WDR35: variants seen among roughly 807,000 people sequenced by gnomAD.
WDR35 encodes WD repeat-containing protein 35.
A neutral mutation model predicts 158.3 loss-of-function variants in WDR35; 118 were observed. The ratio of observed to expected loss-of-function variants is 0.75; its 90% CI spans 0.64 to 0.87. The LOEUF (loss-of-function observed/expected upper bound fraction) is 0.87. Ranked by LOEUF, WDR35 falls within the 40% of genes least tolerant of loss-of-function variation. WDR35 has a pLI of 0.00. For synonymous variants in WDR35, 448 were observed against 476.1 expected (o/e 0.94, Z 0.77); for missense variants, 1,263 against 1,405.8 (o/e 0.90, Z 1.62).
intron 14 of WDR35, 33 bp from the exon 15 acceptor site, chr2:19,946,603 C>G (rs373638512): frequency 6.4e-7 from 1 of 1,561,796 alleles, no homozygotes; most frequent in Non-Finnish European, 8.8e-7. Flanking sequence ...CTTAAGCATA[C>G]GTGTATCATA....
At chr2:19,982,368 A>C (rs1052057918) in intron 3 of WDR35, 95 bp downstream of exon 3, 1 of 1,156,442 alleles carries the variant, frequency 8.6e-7, no homozygotes, top group Non-Finnish European at 1.3e-6. Flanking sequence ...AAATATTACC[A>C]TTATTTAAAA....
intron 25 of WDR35, 83 bp from the exon 26 acceptor site, chr2:19,914,360 T>A: frequency 1.9e-6 from 3 of 1,572,994 alleles, no homozygotes; most frequent in Non-Finnish European, 2.6e-6. Flanking sequence ...TAAGTTAAGG[T>A]GATTTCATTG....
At chr2:19,932,542 C>G in intron 22 of WDR35, 95 bp from the exon 23 acceptor site, 1 of 1,488,976 alleles carries the variant, frequency 6.7e-7, no homozygotes, top group South Asian at 1.2e-5. Flanking sequence ...ATAGTAAAAA[C>G]ACTATTTCAA....
At chr2:19,962,693 T>C (rs915012976) in intron 10 of WDR35, among the ~76,000 whole-genome samples, 7 of 151,980 alleles carry the variant, frequency 4.6e-5, no homozygotes, top group Non-Finnish European at 5.9e-5. Flanking sequence ...AGGTACCCCA[T>C]AGATAACATA....
chr2:19,979,770 C>G (rs959819936), intron 4 of WDR35, among the ~76,000 whole-genome samples: 2 of 103,834 alleles, frequency 1.9e-5, no homozygotes, highest in African/African-American at 7.3e-5. Flanking sequence ...CATTCTATCC[C>G]CTACACACAC....
chr2:19,913,318 A>C lies in WDR35; in HGVS notation c.*240T>G. ...CAAAAACAAGATAAACAAAAGAGAG[A>C]GGGTGAGAGAAAACATGGTTGATTT... On this transcript the variant is annotated 3_prime_UTR_variant, in exon 27 of 27. Transcript: ENST00000281405. 1 of 428,516 alleles carries C rather than the reference A, an allele frequency of 2.3e-6. No homozygotes were observed. The highest frequency in any genetic ancestry group is 4.2e-6 in the Non-Finnish European group (1 of 240,090). The allele number at this position is 428,516 out of a possible 1,614,324, so 26.5% of individuals were successfully genotyped here. A position where few individuals can be genotyped will look rare whatever the true frequency, so the allele number is the denominator to read the frequency against.
chr2:19,959,372 A>G (rs1477128161), intron 11 of WDR35, among the ~76,000 whole-genome samples: 1 of 152,088 alleles, frequency 6.6e-6, no homozygotes, highest in Non-Finnish European at 1.5e-5. Context: ...TTTACCTCTT[A>G]AAGACTGTTA....
At chr2:19,926,903 ACC>A (rs58699441) in intron 25 of WDR35, among the ~76,000 whole-genome samples, 104,145 of 151,538 alleles carry the variant, frequency 0.69, 36,717 homozygotes, top group East Asian at 0.9. Flanking sequence ...GATCTCGAGG[ACC>A]CCCCCCACCC....
intron 11 of WDR35, among the ~76,000 whole-genome samples, 189 bp from the exon 12 acceptor site, chr2:19,954,167 C>T (rs1308977405): frequency 1.3e-5 from 2 of 152,156 alleles, no homozygotes; most frequent in African/African-American, 4.8e-5. Flanking sequence ...CATCATACAA[C>T]GATACTAACT....
intron 25 of WDR35, among the ~76,000 whole-genome samples, chr2:19,916,107 G>A (rs1046688597): frequency 2.0e-5 from 3 of 152,132 alleles, no homozygotes; most frequent in Admixed American, 2.0e-4. Context: ...ATGAGCCAAA[G>A]CAGGGTGGGG....
intron 2 of WDR35, among the ~76,000 whole-genome samples, chr2:19,986,486 T>C (rs186362945): frequency 6.6e-6 from 1 of 152,200 alleles, no homozygotes; most frequent in Admixed American, 6.5e-5. Context: ...GAGAGAAAAG[T>C]AGTACGTCTA....
chr2:19,956,676 A>C (rs576011262), intron 11 of WDR35, among the ~76,000 whole-genome samples: 132 of 140,990 alleles, frequency 9.4e-4, no homozygotes, highest in African/African-American at 3.4e-3. Flanking sequence ...GCTGGAGTGC[A>C]GTGGCACGGT....
rs1307567515 is a variant in WDR35 at position 19,947,217 on chromosome 2, AG to A, written c.1525-648del. Among the ~76,000 whole-genome samples, 3 of 152,224 alleles carry A rather than the reference AG, an allele frequency of 2.0e-5. No individual in the cohort carries two copies. In the East Asian group the frequency reaches 5.8e-4, roughly 29 times the overall value. On this transcript the variant is annotated intron_variant, in intron 14 of 26. Transcript: ENST00000281405. ...TGGGTTTCAAACCCTTGGCTGCCTCAGGCCATGGCAGTGGGACAAAGTGGAA... is the reference window on the plus strand; with the variant it reads ...TGGGTTTCAAACCCTTGGCTGCCTCAGCCATGGCAGTGGGACAAAGTGGAA...
chr2:19,950,310 T>C (rs1671195855), intron 13 of WDR35, among the ~76,000 whole-genome samples: 1 of 139,978 alleles, frequency 7.1e-6, no homozygotes, highest in Non-Finnish European at 1.6e-5. Flanking sequence ...TCAAATAATA[T>C]AAAGACAGAA....
intron 2 of WDR35, among the ~76,000 whole-genome samples, chr2:19,988,459 G>A (rs114748455): frequency 6.6e-6 from 1 of 152,220 alleles, no homozygotes; most frequent in South Asian, 2.1e-4. Flanking sequence ...TACAGTTTGA[G>A]AAGCTATGTT....
chr2:19,944,985 G>A (rs1463138641), intron 16 of WDR35, among the ~76,000 whole-genome samples: 1 of 152,116 alleles, frequency 6.6e-6, no homozygotes, highest in Non-Finnish European at 1.5e-5. Context: ...AGAGTAGAGT[G>A]CAGCAGAAGT....
At chr2:19,939,766 T>A (rs905080462) in intron 17 of WDR35, among the ~76,000 whole-genome samples, 2 of 152,090 alleles carry the variant, frequency 1.3e-5, no homozygotes, top group Admixed American at 6.5e-5. Flanking sequence ...CTGCCATTTG[T>A]TTAAAAGCAG....
intron 10 of WDR35, among the ~76,000 whole-genome samples, chr2:19,966,344 C>T (rs1225067023): frequency 6.6e-6 from 1 of 152,138 alleles, no homozygotes; most frequent in African/African-American, 2.4e-5. Flanking sequence ...TCAAAAGCTA[C>T]CCAAACTGTC....
chr2:19,949,900 T>C (rs749301881), intron 13 of WDR35, among the ~76,000 whole-genome samples: 19 of 152,194 alleles, frequency 1.2e-4, no homozygotes, highest in Non-Finnish European at 2.6e-4. Flanking sequence ...AGAATATATA[T>C]GCAGAAATGA....
Sources: gnomAD v4.1 joint callset for allele counts (sites outside exome capture counted in the v4.1 genomes callset) on GRCh38, gnomAD v4.1.1 for gene constraint, MANE v1.5 for transcripts, NCBI Gene and HGNC (gene_info 2026-07-23, HGNC 2026-07-21) for gene names.